SUGCT: variants seen among roughly 807,000 people sequenced by gnomAD.
The protein encoded by SUGCT is succinyl-CoA:glutarate CoA-transferase.
SUGCT carries 41 observed loss-of-function variants against 55.0 expected under a neutral mutation model. That is an observed-to-expected ratio of 0.74 (90% confidence interval 0.58 to 0.97). The LOEUF (loss-of-function observed/expected upper bound fraction) is 0.97, where lower values mean the gene tolerates loss of function less well. SUGCT is among the 50% of genes least tolerant of loss of function. The pLI is 0.00. For missense variants in SUGCT, 568 were observed against 547.8 expected, an observed-to-expected ratio of 1.04 and a Z score of -0.37; for synonymous variants, 187 against 200.4, an observed-to-expected ratio of 0.93 and a Z score of 0.56.
At chr7:40,982,462 G>A in the SUGCT span, among the ~76,000 whole-genome samples, 2 of 152,066 alleles carry the variant, frequency 1.3e-5, no homozygotes, top group Non-Finnish European at 2.9e-5. Flanking sequence ...ATCTGCTCAG[G>A]CTGTCATAAT....
intron 13 of SUGCT, among the ~76,000 whole-genome samples, chr7:40,817,580 CT>C (rs1791742308): frequency 6.6e-6 from 1 of 152,132 alleles, no homozygotes; most frequent in South Asian, 2.1e-4. Context: ...TAATTTTTGT[CT>C]TAACCATGTG....
intron 12 of SUGCT, among the ~76,000 whole-genome samples, chr7:40,537,232 C>CT (rs1253052649): frequency 6.6e-6 from 1 of 152,140 alleles, no homozygotes; most frequent in Non-Finnish European, 1.5e-5. Context: ...GTAAAACTTG[C>CT]TCTTTTGCTA....
intron 12 of SUGCT, among the ~76,000 whole-genome samples, chr7:40,579,536 C>A (rs916967298): frequency 6.6e-6 from 1 of 152,062 alleles, no homozygotes; most frequent in African/African-American, 2.4e-5. Flanking sequence ...TTCATTTCAG[C>A]CAGACAGACA....
At chr7:40,401,853 T>G (rs1786087970) in intron 9 of SUGCT, among the ~76,000 whole-genome samples, 1 of 152,224 alleles carries the variant, frequency 6.6e-6, no homozygotes, top group East Asian at 1.9e-4. Context: ...CCTTTTCCAA[T>G]TTTTGGATAG....
intron 13 of SUGCT, among the ~76,000 whole-genome samples, chr7:40,767,359 G>C (rs1239720034): frequency 6.6e-6 from 1 of 152,156 alleles, no homozygotes; most frequent in Non-Finnish European, 1.5e-5. Context: ...AAACTATATG[G>C]TATTCCTAAG....
intron 12 of SUGCT, among the ~76,000 whole-genome samples, chr7:40,611,471 T>C (rs900574577): frequency 6.6e-6 from 1 of 152,162 alleles, no homozygotes; most frequent in Non-Finnish European, 1.5e-5. Flanking sequence ...TTCACAAACT[T>C]CAGGAAATAG....
chr7:40,419,710 C>G (rs554585584), intron 9 of SUGCT, among the ~76,000 whole-genome samples: 1 of 152,248 alleles, frequency 6.6e-6, no homozygotes, highest in East Asian at 1.9e-4. Flanking sequence ...GGGATGAGAT[C>G]CCAGAGATAG....
chr7:40,822,463 A>G (rs200842994), intron 13 of SUGCT, among the ~76,000 whole-genome samples: 1 of 152,094 alleles, frequency 6.6e-6, no homozygotes, highest in Non-Finnish European at 1.5e-5. Context: ...TTGGGTGCAT[A>G]TATATTTAGT....
intron 8 of SUGCT, among the ~76,000 whole-genome samples, chr7:40,298,199 A>C (rs1415748292): frequency 2.0e-5 from 3 of 152,108 alleles, no homozygotes; most frequent in African/African-American, 7.2e-5. Context: ...ATTTAAAAAA[A>C]AAAAAAAGAT....
At chr7:40,944,690 G>T in the SUGCT span, among the ~76,000 whole-genome samples, 1 of 152,208 alleles carries the variant, frequency 6.6e-6, no homozygotes, top group African/African-American at 2.4e-5. Context: ...ATAGTTTGAA[G>T]TCGGGTAGCG....
intron 13 of SUGCT, among the ~76,000 whole-genome samples, chr7:40,856,170 A>G (rs993200523): frequency 6.6e-6 from 1 of 152,118 alleles, no homozygotes; most frequent in African/African-American, 2.4e-5. Flanking sequence ...TCTTTTATCC[A>G]TCAACATGAT....
the SUGCT span, among the ~76,000 whole-genome samples, chr7:40,988,740 C>T: frequency 6.6e-6 from 1 of 152,062 alleles, no homozygotes; most frequent in Non-Finnish European, 1.5e-5. Context: ...TATTTTAGCA[C>T]CCTTATGTAC....
At chr7:40,856,071 A>C (rs1050010679) in intron 13 of SUGCT, among the ~76,000 whole-genome samples, 3 of 152,194 alleles carry the variant, frequency 2.0e-5, no homozygotes, top group African/African-American at 7.2e-5. Context: ...CTTTAAGATC[A>C]AAGGCTCTTG....
At chr7:40,807,699 G>A (rs921053099) in intron 13 of SUGCT, among the ~76,000 whole-genome samples, 3 of 152,128 alleles carry the variant, frequency 2.0e-5, no homozygotes, top group Non-Finnish European at 2.9e-5. Flanking sequence ...TTCTCTAGAG[G>A]CACAGAACTA....
At chr7:40,874,114 T>C in the SUGCT span, among the ~76,000 whole-genome samples, 1 of 152,346 alleles carries the variant, frequency 6.6e-6, no homozygotes, top group Non-Finnish European at 1.5e-5. Flanking sequence ...AAGAGGGCCA[T>C]TACATGGCAA....
rs141699210 is a variant in SUGCT at position 40,296,809 on chromosome 7, C to T, written c.721-19951C>T. 1.5e-3 allele frequency among the ~76,000 whole-genome samples: 235 copies of T among 151,920 alleles called. 1 individual carries two copies. Among genetic ancestry groups the T allele is most frequent in the African/African-American group, 5.5e-3 (226 of 41,448 alleles). On this transcript the variant is annotated intron_variant, in intron 8 of 13. Transcript: ENST00000335693. ...AATTGATTTCGAGCTTATTGTTGAA[C>T]CCACTTCTTTCTATTTGGTAACCAT... is the stretch of plus-strand genomic sequence containing the variant.
the SUGCT span, among the ~76,000 whole-genome samples, chr7:40,903,739 A>G: frequency 2.6e-5 from 4 of 152,134 alleles, no homozygotes; most frequent in Admixed American, 1.3e-4. Flanking sequence ...GCAGCAGGAA[A>G]CTGTCATTCT....
intron 12 of SUGCT, among the ~76,000 whole-genome samples, chr7:40,719,949 CT>C (rs1271591575): frequency 9.7e-4 from 147 of 152,246 alleles, no homozygotes; most frequent in Non-Finnish European, 1.1e-3. Context: ...GTGTCTGCCA[CT>C]ACGCCCGGCT....
chr7:40,479,863 GTTAT>G (rs1304432348), intron 11 of SUGCT, among the ~76,000 whole-genome samples: 1 of 151,788 alleles, frequency 6.6e-6, no homozygotes. Context: ...TTTACATTGG[GTTAT>G]TTATTTATAT....
Sources: allele counts gnomAD v4.1 joint callset (sites outside exome capture counted in the v4.1 genomes callset), GRCh38; gene constraint gnomAD v4.1.1; transcripts MANE v1.5; gene names NCBI Gene and HGNC (gene_info 2026-07-23, HGNC 2026-07-21).